KNDC1: variants seen among roughly 807,000 people sequenced by gnomAD.
The protein encoded by KNDC1 is kinase non-catalytic C-lobe domain containing 1, also known as kinase non-catalytic C-lobe domain-containing protein 1.
Under a neutral mutation model 172.8 loss-of-function variants are expected in KNDC1, and 106 were observed. The ratio of observed to expected loss-of-function variants is 0.61; its 90% CI spans 0.52 to 0.72. The LOEUF is 0.72. Among genes scored for constraint, KNDC1 ranks in the 30% least tolerant of loss-of-function variants. The pLI is 0.00. For missense variants in KNDC1, 2,325 were observed against 2,394.5 expected (o/e 0.97, Z 0.61); for synonymous variants, 1,083 against 1,062.2 (o/e 1.02, Z -0.38).
intron 28 of KNDC1, 82 bp from the exon 29 acceptor site, chr10:133,219,873 T>C: frequency 7.2e-7 from 1 of 1,386,494 alleles, no homozygotes; most frequent in Non-Finnish European, 9.6e-7. Context: ...TGGGACTGGT[T>C]GGGCTGCGCT....
rs759772668 is a variant in KNDC1 at position 133,198,703 on chromosome 10, C to A, written c.2195C>A (p.Pro732Gln). 5 of 1,578,608 alleles carry A rather than the reference C, an allele frequency of 3.2e-6. No homozygotes were observed. The highest frequency in any genetic ancestry group is 1.9e-5 in the Admixed American group (1 of 53,870). The change falls in exon 14 of 30, where the codon CCG becomes CAG. Residue 732 changes from proline to glutamine, a missense_variant. Coordinates refer to ENST00000304613, the MANE Select transcript of KNDC1 (RefSeq NM_152643.8). The stretch of plus-strand genomic sequence containing the variant: ...CCCAGCCTGAAGACGCCTGACGGGC[C>A]GGTGCCTGGTCCGGGGCCACAGGGA... Reference protein sequence around the residue: ...GSPSLKTPDGPVPGPGPQGAA... With the variant: ...GSPSLKTPDGQVPGPGPQGAA...
intron 3 of KNDC1, among the ~76,000 whole-genome samples, chr10:133,176,860 G>A (rs927059457): frequency 1.3e-5 from 2 of 152,238 alleles, no homozygotes; most frequent in South Asian, 2.1e-4. Flanking sequence ...GGCCACAGCC[G>A]AGAATGCTGC....
chr10:133,213,104 A>G (rs1334678405), intron 24 of KNDC1, among the ~76,000 whole-genome samples, 182 bp downstream of exon 24: 1 of 151,416 alleles, frequency 6.6e-6, no homozygotes, highest in African/African-American at 2.4e-5. Context: ...CTGCTGCCTC[A>G]ATGGGAGGCC....
At chr10:133,213,567 C>T in intron 24 of KNDC1, 78 bp from the exon 25 acceptor site, 1 of 1,284,058 alleles carries the variant, frequency 7.8e-7, no homozygotes. Flanking sequence ...AAAACACCCA[C>T]CCTCCCTGGG....
chr10:133,179,100 G>A (rs1853640491), intron 3 of KNDC1: 1 of 152,236 alleles, frequency 6.6e-6, no homozygotes, highest in South Asian at 2.1e-4. Context: ...CGTCTTTGAT[G>A]GGATTTTGTC....
At chr10:133,217,331 C>A (rs1017691537) in intron 26 of KNDC1, among the ~76,000 whole-genome samples, 1 of 152,276 alleles carries the variant, frequency 6.6e-6, no homozygotes, top group Non-Finnish European at 1.5e-5. Flanking sequence ...TTCTCAAGCT[C>A]CTCTCAAGGC....
Position 133,189,674 on chromosome 10 carries a change from G to C in KNDC1, c.1513+5G>C. ...TCCAGCCACCCCCTGCCAACGGTGA[G>C]TGTGTGGGTTCCCCTCAGGCCGAGT... On this transcript the variant is annotated splice_donor_5th_base_variant and intron_variant, in intron 8 of 29. Transcript: ENST00000304613. 6.8e-6 allele frequency: 11 copies of C among 1,614,024 alleles called. No homozygotes were observed. The highest frequency in any genetic ancestry group is 8.5e-6 in the Non-Finnish European group (10 of 1,179,994).
Position 133,183,176 on chromosome 10 carries a change from G to A in KNDC1, c.361-168G>A, listed in dbSNP as rs559795392. Among the ~76,000 whole-genome samples, 438 of 149,948 alleles carry A rather than the reference G, an allele frequency of 2.9e-3. 3 individuals carry two copies. The highest frequency in any genetic ancestry group is 3.7e-3 in the Non-Finnish European group (246 of 67,340). On this transcript the variant is annotated intron_variant, in intron 3 of 29. Coordinates refer to ENST00000304613, the MANE Select transcript of KNDC1 (RefSeq NM_152643.8). ...CGCGGGCGGCGAGGGTGCCAGCGGC[G>A]TGGGCGCGGGCGGCAAGGGTGTGGG...
chr10:133,171,171 G>A (rs553919649), intron 3 of KNDC1, among the ~76,000 whole-genome samples: 3 of 152,290 alleles, frequency 2.0e-5, no homozygotes, highest in South Asian at 2.1e-4. Flanking sequence ...TTACTTTAAC[G>A]TTGTAAAGTT....
At chr10:133,198,294 G>A (rs750169813) in intron 12 of KNDC1, 43 bp from the exon 13 acceptor site, 6 of 1,505,704 alleles carry the variant, frequency 4.0e-6, no homozygotes, top group Non-Finnish European at 3.6e-6. Flanking sequence ...CACGTGCTGG[G>A]GCCACTCCGC....
chr10:133,189,280 G>A lies in KNDC1; in HGVS notation c.1442-318G>A, dbSNP rs548111707. Among the ~76,000 whole-genome samples the A allele has an allele frequency of 3.9e-4, 60 of 152,276 alleles. 1 individual carries two copies. The South Asian group carries it at 8.1e-3, about 20-fold the overall frequency. ...GTGGCTGCCCCGTGGGCCCTGACTC[G>A]GGACGGGGCCTGTGACACGGGGGCT... On this transcript the variant is annotated intron_variant, in intron 7 of 29. Coordinates refer to ENST00000304613, the MANE Select transcript of KNDC1 (RefSeq NM_152643.8).
intron 9 of KNDC1, among the ~76,000 whole-genome samples, chr10:133,192,458 T>G (rs796709012): frequency 6.6e-6 from 1 of 152,148 alleles, no homozygotes; most frequent in Non-Finnish European, 1.5e-5. Context: ...AGGCAACCAA[T>G]GATACCAACC....
At chr10:133,216,288 G>A (rs191624647) in intron 26 of KNDC1, among the ~76,000 whole-genome samples, 130 of 152,236 alleles carry the variant, frequency 8.5e-4, no homozygotes, top group African/African-American at 2.7e-3. Flanking sequence ...CGGTGGTTCC[G>A]TTCAGACAAT....
At position 133,198,323 on chromosome 10, in the gene KNDC1, C is replaced by G; in HGVS notation, c.1907-14C>G. 6.4e-7 allele frequency: 1 copy of G among 1,555,566 alleles called. No homozygotes were observed. The highest frequency in any genetic ancestry group is 1.8e-5 in the Admixed American group (1 of 55,082). On this transcript the variant is annotated splice_polypyrimidine_tract_variant and intron_variant, in intron 12 of 29. Transcript: ENST00000304613. The stretch of plus-strand genomic sequence containing the variant: ...ACTCCGCCCGCCCACACCCTCAGCC[C>G]CCTGGCTCCCCAGGCTTCCTGCCGG...
chr10:133,199,537 C>T lies in KNDC1; in HGVS notation c.2838C>T (p.Tyr946=). Residue 946 remains tyrosine (Y), a synonymous_variant, in exon 15 of 30, where the codon TAC becomes TAT. Coordinates refer to ENST00000304613, the MANE Select transcript of KNDC1 (RefSeq NM_152643.8). The part of the protein sequence containing the change: ...GAISEKFCDL[Y]WDEKLLQNLF... The stretch of plus-strand genomic sequence containing the variant: ...TTTCCGAGAAGTTCTGTGACCTGTA[C>T]TGGGATGAGAAGTTGCTGCAGAACC... The T allele has an allele frequency of 1.2e-6, 2 of 1,613,908 alleles. No homozygotes were observed. The highest frequency in any genetic ancestry group is 1.7e-6 in the Non-Finnish European group (2 of 1,180,004).
In KNDC1 at chr10:133,225,067, TCTC is replaced by T; in HGVS notation, c.*182_*184del. 1 of 608,194 alleles carries T rather than the reference TCTC, an allele frequency of 1.6e-6. No individual in the cohort carries two copies. The highest frequency in any genetic ancestry group is 3.0e-6 in the Non-Finnish European group (1 of 338,122). 37.7% of individuals were successfully genotyped at this position (608,194 alleles called of 1,614,324 possible). ...ACCCCATGGGGACAGGCAGAGCTGG[TCTC>T]CTCCCAGCAGACGGAGCCAGGACGG... is the stretch of plus-strand genomic sequence containing the variant. On this transcript the variant is annotated 3_prime_UTR_variant, in exon 30 of 30. Transcript: ENST00000304613.
intron 5 of KNDC1, 128 bp downstream of exon 5, chr10:133,184,117 C>T (rs528793128): frequency 5.8e-6 from 3 of 512,984 alleles, no homozygotes; most frequent in Non-Finnish European, 3.5e-6. Flanking sequence ...ATACTGCACA[C>T]ACACCCATGC....
intron 28 of KNDC1, among the ~76,000 whole-genome samples, 158 bp from the exon 29 acceptor site, chr10:133,219,797 C>T (rs1388512288): frequency 6.6e-6 from 1 of 152,236 alleles, no homozygotes; most frequent in Non-Finnish European, 1.5e-5. Flanking sequence ...CATCCAGGAA[C>T]ATTCGGGACT....
At chr10:133,188,514 G>T (rs1853983508) in intron 6 of KNDC1, 25 bp from the exon 7 acceptor site, 1 of 1,476,472 alleles carries the variant, frequency 6.8e-7, no homozygotes, top group Non-Finnish European at 9.2e-7. Context: ...TGTCCACACT[G>T]ACCTCGCCGC....
Sources: allele counts gnomAD v4.1 joint callset (sites outside exome capture counted in the v4.1 genomes callset), GRCh38; gene constraint gnomAD v4.1.1; transcripts MANE v1.5; gene names NCBI Gene and HGNC (gene_info 2026-07-23, HGNC 2026-07-21).